SLIT1: variants seen among roughly 807,000 people sequenced by gnomAD.
SLIT1 encodes slit homolog 1 protein.
In SLIT1, 66 loss-of-function variants were observed where a neutral mutation model predicts 186.1. That is an observed-to-expected ratio of 0.35 (90% CI 0.29 to 0.44). The LOEUF is 0.44. Among genes scored for constraint, SLIT1 ranks in the 20% least tolerant of loss-of-function variants. The pLI, the probability that SLIT1 is intolerant of heterozygous loss-of-function variation, is 1.00. For synonymous variants in SLIT1, 761 were observed against 833.8 expected, an observed-to-expected ratio of 0.91 and a Z score of 1.50; for missense variants, 1,638 against 2,037.4, an observed-to-expected ratio of 0.80 and a Z score of 3.77.
chr10:97,136,693 A>C (rs1204599851), intron 4 of SLIT1, among the ~76,000 whole-genome samples: 1 of 152,206 alleles, frequency 6.6e-6, no homozygotes, highest in Non-Finnish European at 1.5e-5. Context: ...GAAATGAGTG[A>C]TCCTTCCACG....
At position 97,064,085 on chromosome 10, in the gene SLIT1, A is replaced by T. The variant is rs1051501292; in HGVS notation, c.629+83T>A. The T allele has an allele frequency of 5.1e-5, 61 of 1,185,442 alleles. No homozygotes were observed. The Middle Eastern group carries it at 7.7e-4, about 15-fold the overall frequency. 73.4% of individuals were successfully genotyped at this position (1,185,442 alleles called of 1,614,324 possible). ...AGAATGAGCTCCATGACCTGTCTGC[A>T]AAACCTTCACCTCCTGCCCCACCCA... is the stretch of plus-strand genomic sequence containing the variant. On this transcript the variant is annotated intron_variant, in intron 7 of 36. Coordinates refer to ENST00000266058, the MANE Select transcript of SLIT1 (RefSeq NM_003061.3).
chr10:97,100,147 G>A (rs909465181), intron 4 of SLIT1, among the ~76,000 whole-genome samples: 1 of 152,090 alleles, frequency 6.6e-6, no homozygotes, highest in Non-Finnish European at 1.5e-5. Flanking sequence ...CTCTTGGATT[G>A]ATACAGCACA....
intron 4 of SLIT1, among the ~76,000 whole-genome samples, chr10:97,082,164 C>T (rs1054486432): frequency 1.3e-5 from 2 of 152,348 alleles, no homozygotes; most frequent in South Asian, 2.1e-4. Context: ...CCGCTGCCTG[C>T]CTGAACACAG....
intron 30 of SLIT1, among the ~76,000 whole-genome samples, chr10:97,012,010 C>T (rs1267093734): frequency 6.7e-6 from 1 of 149,804 alleles, no homozygotes; most frequent in African/African-American, 2.4e-5. Flanking sequence ...GTGCTCTTGC[C>T]TGGGATTTTT....
intron 1 of SLIT1, among the ~76,000 whole-genome samples, chr10:97,165,566 T>G: frequency 6.7e-6 from 1 of 149,934 alleles, no homozygotes; most frequent in African/African-American, 2.5e-5. Flanking sequence ...AGCTGAGGGG[T>G]GAAGGGGGCA....
chr10:97,039,977 G>C lies in SLIT1; in HGVS notation c.2297+11C>G, dbSNP rs1848675881. ...ACCCACGTGAAGGGGGCAAGGCCTTGAGCTACTCACAGTTCTGTGACATTC... is the reference window on the plus strand; with the variant it reads ...ACCCACGTGAAGGGGGCAAGGCCTTCAGCTACTCACAGTTCTGTGACATTC... On this transcript the variant is annotated intron_variant, in intron 21 of 36. Transcript: ENST00000266058. 8 of 1,613,402 alleles carry C rather than the reference G, an allele frequency of 5.0e-6. No homozygotes were observed. Among genetic ancestry groups the C allele is most frequent in the Non-Finnish European group, 6.8e-6 (8 of 1,179,752 alleles).
chr10:97,015,723 T>C (rs183081698), intron 28 of SLIT1, among the ~76,000 whole-genome samples: 154 of 152,362 alleles, frequency 1.0e-3, no homozygotes, highest in South Asian at 4.1e-4. Context: ...AATACAGTTA[T>C]GTTGTTTCGA....
chr10:97,184,017 A>ACCAC lies in SLIT1; in HGVS notation c.197+1457_197+1460dup, dbSNP rs1226510028. Among the ~76,000 whole-genome samples, 3 of 83,626 alleles carry ACCAC rather than the reference A, an allele frequency of 3.6e-5. No individual in the cohort carries two copies. Among genetic ancestry groups the ACCAC allele is most frequent in the Non-Finnish European group, 4.7e-5 (2 of 42,862 alleles). The allele number at this position is 83,626 out of a possible 152,430, so 54.9% of individuals were successfully genotyped here. A position where few individuals can be genotyped will look rare whatever the true frequency, so the allele number is the denominator to read the frequency against. The stretch of plus-strand genomic sequence containing the variant: ...CATTCACACACACACATACACATGC[A>ACCAC]CCACACACACACACACACACACACA... On this transcript the variant is annotated intron_variant, in intron 1 of 36. Transcript: ENST00000266058. This position sits in a 1 kb window ranked among gnomAD's most constrained non-coding sequence, Gnocchi z 4.4.
chr10:97,052,106 T>TTG lies in SLIT1; in HGVS notation c.1302-2989_1302-2988insCA, dbSNP rs1306588775. Among the ~76,000 whole-genome samples the TTG allele has an allele frequency of 3.7e-3, 535 of 146,454 alleles. 5 individuals carry two copies. Among genetic ancestry groups the TTG allele is most frequent in the Non-Finnish European group, 4.4e-3 (294 of 66,632 alleles). ...TATGATTCGGTTTTTTTTTGTTTGT[T>TTG]TTTTTTTTTTTTGGAGTCGGTCTCA... On this transcript the variant is annotated intron_variant, in intron 13 of 36. Coordinates refer to ENST00000266058, the MANE Select transcript of SLIT1 (RefSeq NM_003061.3).
intron 1 of SLIT1, among the ~76,000 whole-genome samples, chr10:97,180,196 T>G (rs1325889938): frequency 6.6e-6 from 1 of 152,220 alleles, no homozygotes; most frequent in Non-Finnish European, 1.5e-5. Context: ...GACGCCCAAA[T>G]TTCCTTCACA....
chr10:97,027,361 T>C (rs1045847235), intron 25 of SLIT1, among the ~76,000 whole-genome samples: 7 of 152,222 alleles, frequency 4.6e-5, no homozygotes, highest in Admixed American at 3.9e-4. Context: ...ATATATCCCA[T>C]CAATACTGCA....
At chr10:97,085,364 T>G (rs1464787786) in intron 4 of SLIT1, among the ~76,000 whole-genome samples, 1 of 152,046 alleles carries the variant, frequency 6.6e-6, no homozygotes, top group Non-Finnish European at 1.5e-5. Context: ...ACTGTACCCA[T>G]GCTTTTTCTT....
intron 4 of SLIT1, among the ~76,000 whole-genome samples, chr10:97,073,553 C>T (rs957574445): frequency 1.3e-5 from 2 of 152,182 alleles, no homozygotes; most frequent in Non-Finnish European, 2.9e-5. Flanking sequence ...GACAGATCCC[C>T]AGAGTCAGAC....
chr10:97,185,505 T>C lies in SLIT1; in HGVS notation c.170A>G (p.Lys57Arg). 6.2e-7 allele frequency: 1 copy of C among 1,612,426 alleles called. No homozygotes were observed. Among genetic ancestry groups the C allele is most frequent in the Non-Finnish European group, 8.5e-7 (1 of 1,179,696 alleles). Residue 57 changes from lysine (K) to arginine (R), a missense_variant, in exon 1 of 37, where the codon AAG (lysine) becomes AGG (arginine). Physicochemically the swap from Lys to Arg is conservative, Grantham distance 26. Coordinates refer to ENST00000266058, the MANE Select transcript of SLIT1 (RefSeq NM_003061.3). ...GCGCTCGGTGTTCCGAGGTATATTC[T>C]TGGGAATGGCCTGCAGCCCCGTGCC... Reference protein sequence around the residue: ...CHGTGLQAIPKNIPRNTERLE... With the variant: ...CHGTGLQAIPRNIPRNTERLE...
intron 1 of SLIT1, among the ~76,000 whole-genome samples, chr10:97,185,227 A>G (rs1276968439): frequency 6.6e-6 from 1 of 152,204 alleles, no homozygotes; most frequent in East Asian, 1.9e-4. Context: ...TGCGGAGTGC[A>G]GGGTGCAGGG....
intron 4 of SLIT1, among the ~76,000 whole-genome samples, chr10:97,091,628 C>T (rs1564673305): frequency 6.6e-6 from 1 of 152,218 alleles, no homozygotes; most frequent in African/African-American, 2.4e-5. Context: ...ACTTTTGGCA[C>T]ATACCGCTTT....
At chr10:97,026,185 C>T (rs1017865519) in intron 25 of SLIT1, among the ~76,000 whole-genome samples, 16 of 152,208 alleles carry the variant, frequency 1.1e-4, no homozygotes, top group Middle Eastern at 3.4e-3. Flanking sequence ...TAGTGTTGGC[C>T]GGGCACGGTG....
intron 23 of SLIT1, among the ~76,000 whole-genome samples, 174 bp from the exon 24 acceptor site, chr10:97,031,851 G>T (rs942743107): frequency 2.0e-5 from 3 of 152,244 alleles, no homozygotes; most frequent in African/African-American, 2.4e-5. Context: ...GAAGCTGGTG[G>T]TCTTGGGCAT....
In SLIT1 at chr10:97,060,121, C is replaced by T. The variant is rs1407472763; in HGVS notation, c.979G>A (p.Gly327Arg). Residue 327 changes from glycine to arginine, a missense_variant, in exon 10 of 37, where the codon GGA (glycine) becomes AGA (arginine). Coordinates refer to ENST00000266058, the MANE Select transcript of SLIT1 (RefSeq NM_003061.3). ...AGCTTTCTGTAGGGTGAGAAGGCTC[C>T]AGGAGGGATGGACTTGATGCCGTTC... ...ELNGIKSIPP[G>R]AFSPYRKLRR... is the part of the protein sequence containing the mutation. The T allele has an allele frequency of 6.2e-7, 1 of 1,614,162 alleles. No homozygotes were observed. Among genetic ancestry groups the T allele is most frequent in the Non-Finnish European group, 8.5e-7 (1 of 1,179,978 alleles).
Sources: allele counts gnomAD v4.1 joint callset (sites outside exome capture counted in the v4.1 genomes callset), GRCh38; gene constraint gnomAD v4.1.1; non-coding constraint Gnocchi (gnomAD v3.1); transcripts MANE v1.5; gene names NCBI Gene and HGNC (gene_info 2026-07-23, HGNC 2026-07-21).